The following CUX2 variants were observed in gnomAD, a reference collection of about 807,000 sequenced individuals.
CUX2 encodes cut like homeobox 2.
CUX2 carries 40 observed loss-of-function variants against 144.8 expected under a neutral mutation model. The ratio of observed to expected loss-of-function variants is 0.28; its 90% CI spans 0.21 to 0.36. The LOEUF (loss-of-function observed/expected upper bound fraction) is 0.36, where lower values mean the gene tolerates loss of function less well. Ranked by LOEUF, CUX2 falls within the 10% of genes least tolerant of loss-of-function variation. The probability of loss-of-function intolerance (pLI) is 1.00; values close to 1 mark genes in which losing one functional copy is unlikely to be tolerated. For synonymous variants in CUX2, 827 were observed against 875.6 expected, an observed-to-expected ratio of 0.94 and a Z score of 0.98; for missense variants, 1,615 against 1,994.0, an observed-to-expected ratio of 0.81 and a Z score of 3.62.
intron 1 of CUX2, among the ~76,000 whole-genome samples, chr12:111,070,062 C>T (rs961160553): frequency 1.3e-5 from 2 of 152,154 alleles, no homozygotes; most frequent in Non-Finnish European, 2.9e-5. Flanking sequence ...AGCTTGGCTG[C>T]CTTCCCTGAC....
chr12:111,181,590 C>T (rs373426605), intron 1 of CUX2, among the ~76,000 whole-genome samples: 6 of 152,342 alleles, frequency 3.9e-5, no homozygotes, highest in South Asian at 4.1e-4. Flanking sequence ...CACACCGGGC[C>T]CCAGCACTGC....
At chr12:111,330,714 T>TATATATATACATATAC in intron 18 of CUX2, among the ~76,000 whole-genome samples, 1 of 36,482 alleles carries the variant, frequency 2.7e-5, no homozygotes, top group Admixed American at 2.6e-4. Flanking sequence ...TATATATATA[T>TATATATATACATATAC]ATATATATAT....
intron 1 of CUX2, among the ~76,000 whole-genome samples, chr12:111,170,258 C>T (rs909272920): frequency 2.6e-5 from 4 of 152,034 alleles, no homozygotes; most frequent in African/African-American, 9.7e-5. Flanking sequence ...GGAGAAACCC[C>T]TTCTCTACTA....
rs754314964 is a variant in CUX2 at position 111,034,222 on chromosome 12, T to C, written c.45T>C (p.Phe15=). 6.4e-6 allele frequency: 9 copies of C among 1,397,952 alleles called. No homozygotes were observed. The East Asian group carries it at 3.2e-4, about 50-fold the overall frequency. The allele number at this position is 1,397,952 out of a possible 1,614,324, so 86.6% of individuals were successfully genotyped here. ...CGATGTTTCAATATTGGAAGCGATTTGATCTACGGCGACTCCAGGTTAGTG... is the reference window on the plus strand; with the variant it reads ...CGATGTTTCAATATTGGAAGCGATTCGATCTACGGCGACTCCAGGTTAGTG... The part of the protein sequence containing the change: ...VGSMFQYWKR[F]DLRRLQKELN... The change falls in exon 1 of 22, where the codon TTT becomes TTC. Residue 15 remains phenylalanine, a synonymous_variant. Coordinates refer to ENST00000261726, the MANE Select transcript of CUX2 (RefSeq NM_015267.4). This position sits in a 1 kb window ranked among gnomAD's most constrained non-coding sequence, Gnocchi z 4.2.
At chr12:111,055,070 CT>C (rs1870456223) in intron 1 of CUX2, among the ~76,000 whole-genome samples, 1 of 152,268 alleles carries the variant, frequency 6.6e-6, no homozygotes, top group Admixed American at 6.5e-5. Context: ...CTTGTTATTT[CT>C]CTTTACTATG....
intron 1 of CUX2, among the ~76,000 whole-genome samples, chr12:111,080,669 C>T (rs190261658): frequency 1.3e-5 from 2 of 151,472 alleles, no homozygotes; most frequent in Admixed American, 6.6e-5. Context: ...GAGACCCTGG[C>T]ACTCAAAAAA....
chr12:111,288,734 G>A (rs1266637205), intron 4 of CUX2, among the ~76,000 whole-genome samples: 1 of 151,828 alleles, frequency 6.6e-6, no homozygotes, highest in African/African-American at 2.4e-5. Context: ...AGGCCAAGGT[G>A]GGTGGATCAC....
At chr12:111,248,617 G>T (rs61006869) in intron 3 of CUX2, among the ~76,000 whole-genome samples, 265 of 152,252 alleles carry the variant, frequency 1.7e-3, no homozygotes, top group African/African-American at 6.0e-3. Context: ...TTTCAAGGAG[G>T]GGGGTGAAGC....
chr12:111,238,462 T>G (rs1882868763), intron 3 of CUX2, among the ~76,000 whole-genome samples: 1 of 152,210 alleles, frequency 6.6e-6, no homozygotes, highest in South Asian at 2.1e-4. Flanking sequence ...ATGACTCCCC[T>G]TTAAGGGAGA....
chr12:111,187,439 G>A (rs1274898144), intron 1 of CUX2, among the ~76,000 whole-genome samples: 1 of 151,838 alleles, frequency 6.6e-6, no homozygotes, highest in Non-Finnish European at 1.5e-5. Flanking sequence ...TGCTCTGTGT[G>A]AAATTGCAGC....
chr12:111,182,602 C>T (rs1879258528), intron 1 of CUX2, among the ~76,000 whole-genome samples: 1 of 152,188 alleles, frequency 6.6e-6, no homozygotes, highest in Admixed American at 6.5e-5. Flanking sequence ...CTCCCAGTTC[C>T]CAGAAGCTGG....
Position 111,323,799 on chromosome 12 carries a change from G to A in CUX2, c.2926+1219G>A, listed in dbSNP as rs144632454. Among the ~76,000 whole-genome samples, 232 of 152,326 alleles carry A rather than the reference G, an allele frequency of 1.5e-3. 2 individuals carry two copies. Among genetic ancestry groups the A allele is most frequent in the African/African-American group, 5.5e-3 (227 of 41,578 alleles). On this transcript the variant is annotated intron_variant, in intron 18 of 21. Coordinates refer to ENST00000261726, the MANE Select transcript of CUX2 (RefSeq NM_015267.4). Reference sequence around the variant, plus strand: ...AGGCCGAGCACAGTGGCTCACGCCTGTAATCCCAATACTTTGGGAGGTGAA... The same window carrying A: ...AGGCCGAGCACAGTGGCTCACGCCTATAATCCCAATACTTTGGGAGGTGAA...
chr12:111,156,699 C>T (rs1206293415), intron 1 of CUX2, among the ~76,000 whole-genome samples: 1 of 152,130 alleles, frequency 6.6e-6, no homozygotes, highest in Non-Finnish European at 1.5e-5. Flanking sequence ...TAAACAAAGC[C>T]GAGTGCGGTG....
At chr12:111,154,355 G>A (rs921821719) in intron 1 of CUX2, among the ~76,000 whole-genome samples, 5 of 152,056 alleles carry the variant, frequency 3.3e-5, no homozygotes, top group African/African-American at 9.7e-5. Context: ...ACATGTTTGC[G>A]GCAATCTGAT....
chr12:111,058,100 G>A (rs1036297756), intron 1 of CUX2, among the ~76,000 whole-genome samples: 4 of 152,104 alleles, frequency 2.6e-5, no homozygotes, highest in African/African-American at 9.7e-5. Context: ...ACATTATTCA[G>A]GCATTGTGAA....
At chr12:111,089,675 T>G (rs999841991) in intron 1 of CUX2, among the ~76,000 whole-genome samples, 2 of 152,150 alleles carry the variant, frequency 1.3e-5, no homozygotes, top group African/African-American at 4.8e-5. Context: ...GGCTGGGCAT[T>G]CCTAGGTTAA....
chr12:111,053,428 C>T (rs977286031), intron 1 of CUX2, among the ~76,000 whole-genome samples: 1 of 152,182 alleles, frequency 6.6e-6, no homozygotes, highest in Non-Finnish European at 1.5e-5. Context: ...TGTTCAGAGG[C>T]CTCCCATGGA....
At position 111,287,923 on chromosome 12, in the gene CUX2, T is replaced by A; in HGVS notation, c.302-3495T>A. ...TCATACTTCATGGTAGGTAGAAGAA[T>A]TCCAGCAGGGTAGGGGTGGAAGGGA... On this transcript the variant is annotated intron_variant, in intron 4 of 21. Coordinates refer to ENST00000261726, the MANE Select transcript of CUX2 (RefSeq NM_015267.4). This position sits in a 1 kb window ranked among gnomAD's most constrained non-coding sequence, Gnocchi z 4.2. 6.6e-6 allele frequency among the ~76,000 whole-genome samples: 1 copy of A among 152,346 alleles called. No homozygotes were observed. The highest frequency in any genetic ancestry group is 1.9e-4 in the East Asian group (1 of 5,188).
At chr12:111,259,483 A>G (rs1422501547) in intron 3 of CUX2, among the ~76,000 whole-genome samples, 1 of 152,192 alleles carries the variant, frequency 6.6e-6, no homozygotes, top group Non-Finnish European at 1.5e-5. Flanking sequence ...ATTGCCAACC[A>G]TTGATCCATG....
Sources: gnomAD v4.1 joint callset for allele counts (sites outside exome capture counted in the v4.1 genomes callset) on GRCh38, gnomAD v4.1.1 for gene constraint, Gnocchi (gnomAD v3.1) non-coding constraint, MANE v1.5 for transcripts, NCBI Gene and HGNC (gene_info 2026-07-23, HGNC 2026-07-21) for gene names.